The following JCAD variants were observed in gnomAD, a reference collection of about 807,000 sequenced individuals.
JCAD encodes the protein junctional cadherin 5 associated.
JCAD carries 40 observed loss-of-function variants against 98.0 expected under a neutral mutation model. The ratio of observed to expected loss-of-function variants is 0.41; its 90% CI spans 0.32 to 0.53. JCAD has a LOEUF of 0.53. Ranked by LOEUF, JCAD falls within the 20% of genes least tolerant of loss-of-function variation. The probability of loss-of-function intolerance (pLI) is 0.31; values close to 1 mark genes in which losing one functional copy is unlikely to be tolerated. For missense variants in JCAD, 1,705 were observed against 1,738.1 expected, an observed-to-expected ratio of 0.98 and a Z score of 0.34; for synonymous variants, 691 against 682.3, an observed-to-expected ratio of 1.01 and a Z score of -0.20.
At chr10:30,030,166 G>A (rs1162587100) in intron 2 of JCAD, among the ~76,000 whole-genome samples, 1 of 152,184 alleles carries the variant, frequency 6.6e-6, no homozygotes, top group Admixed American at 6.5e-5. Flanking sequence ...GTGGAAGGCC[G>A]GGCACCGTGG....
chr10:30,101,145 C>T (rs879861908), intron 1 of JCAD, among the ~76,000 whole-genome samples: 2 of 152,216 alleles, frequency 1.3e-5, no homozygotes, highest in Admixed American at 6.5e-5. Context: ...TGCGATGGCT[C>T]ATGCCTGTAA....
At chr10:30,099,442 T>C (rs910908639) in intron 1 of JCAD, among the ~76,000 whole-genome samples, 6 of 152,186 alleles carry the variant, frequency 3.9e-5, no homozygotes, top group Non-Finnish European at 8.8e-5. Context: ...ATAGACTTTA[T>C]TTAGTACCAA....
chr10:30,100,742 A>G lies in JCAD; in HGVS notation n.128+14625T>C, dbSNP rs544917131. On this transcript the variant is annotated intron_variant and non_coding_transcript_variant, in intron 1 of 2. Coordinates refer to the JCAD transcript ENST00000465712. Reference sequence around the variant, plus strand: ...CATAATGACTTGATTGGATTTAGAGAGGGTAATTAGGACTAATATGAGTGA... The same window carrying G: ...CATAATGACTTGATTGGATTTAGAGGGGGTAATTAGGACTAATATGAGTGA... Among the ~76,000 whole-genome samples the G allele has an allele frequency of 2.0e-5, 3 of 152,288 alleles. No homozygotes were observed. The South Asian group carries it at 6.2e-4, about 32-fold the overall frequency.
intron 1 of JCAD, among the ~76,000 whole-genome samples, chr10:30,055,955 C>G (rs1837563874): frequency 6.6e-6 from 1 of 151,188 alleles, no homozygotes; most frequent in African/African-American, 2.4e-5. Flanking sequence ...CTTACACACA[C>G]TCTTTCTCCT....
rs1231152049 is a variant in JCAD, at chr10:30,029,257, A to T, written c.891T>A (p.Ser297=). 6.2e-7 allele frequency: 1 copy of T among 1,614,176 alleles called. No individual in the cohort carries two copies. Among genetic ancestry groups the T allele is most frequent in the South Asian group, 1.1e-5 (1 of 91,074 alleles). ...CCCTAGACTGCTGGTGCGAGCTGTA[A>T]GATGGGGGCTTGAGGGGCCTCCCAA... The part of the protein sequence containing the change: ...PKFGRPLKPP[S]YSSHQQSRGG... The change falls in exon 3 of 4, where the codon TCT becomes TCA. Residue 297 remains serine, a synonymous_variant. Transcript: ENST00000375377.
Position 30,028,018 on chromosome 10 carries a change from C to A in JCAD, c.2130G>T (p.Leu710=). 1.2e-6 allele frequency: 2 copies of A among 1,614,252 alleles called. No homozygotes were observed. The highest frequency in any genetic ancestry group is 1.7e-6 in the Non-Finnish European group (2 of 1,180,054). Residue 710 remains leucine (L), a synonymous_variant, in exon 3 of 4, where the codon CTG becomes CTT. Coordinates refer to ENST00000375377, the MANE Select transcript of JCAD (RefSeq NM_020848.4). ...TCAATGCTGCACGACTCGGCCCTCC[C>A]AGCTTTGCACCAGGGAGCAGCTGCG... The part of the protein sequence containing the change: ...QSSQLLPGAK[L]GGPSRAALSP...
chr10:30,040,230 A>G lies in JCAD; in HGVS notation c.281+7302T>C, dbSNP rs554199530. Among the ~76,000 whole-genome samples the G allele has an allele frequency of 2.0e-5, 3 of 152,332 alleles. No homozygotes were observed. The South Asian group carries it at 6.2e-4, about 32-fold the overall frequency. ...TCACAAGACGCTGCTCCTCCTGGGG[A>G]TGGCTGGTCTCTGATGAAGAAGCTA... is the stretch of plus-strand genomic sequence containing the variant. On this transcript the variant is annotated intron_variant, in intron 2 of 3. Transcript: ENST00000375377.
At chr10:30,045,557 GA>G (rs1180588926) in intron 2 of JCAD, among the ~76,000 whole-genome samples, 8 of 152,052 alleles carry the variant, frequency 5.3e-5, no homozygotes, top group Non-Finnish European at 8.8e-5. Flanking sequence ...AAAACTAAAT[GA>G]AAAAACAAAA....
At chr10:30,109,175 GC>G (rs1838643599) in intron 1 of JCAD, among the ~76,000 whole-genome samples, 1 of 152,138 alleles carries the variant, frequency 6.6e-6, no homozygotes, top group African/African-American at 2.4e-5. Flanking sequence ...TCTCAACCAA[GC>G]AGGGAGACTA....
At chr10:30,105,792 A>G (rs996608432) in intron 1 of JCAD, among the ~76,000 whole-genome samples, 2 of 152,248 alleles carry the variant, frequency 1.3e-5, no homozygotes, top group Non-Finnish European at 2.9e-5. Flanking sequence ...GTTATTTTTT[A>G]TCATCTGCTA....
intron 1 of JCAD, among the ~76,000 whole-genome samples, chr10:30,114,676 C>A (rs1053611226): frequency 7.3e-5 from 11 of 150,344 alleles, no homozygotes; most frequent in African/African-American, 2.7e-4. Context: ...TTCAGGAGAC[C>A]ATAGTTACTG....
chr10:30,050,314 CAAAAAAAAAAAAAAAAAA>C (rs61421356), intron 1 of JCAD, among the ~76,000 whole-genome samples: 1 of 41,728 alleles, frequency 2.4e-5, no homozygotes, highest in African/African-American at 7.2e-5. Flanking sequence ...GACCCTGTCT[CAAAAAAAAAAAAAAAAAA>C]AAAAAAAAAA....
chr10:30,047,427 C>G lies in JCAD; in HGVS notation c.281+105G>C, dbSNP rs987411886. ...TTCTTGTGTCTAATACCATTTCTCC[C>G]TCCTTGGCCCTGGCCAAATATAGAT... On this transcript the variant is annotated intron_variant, in intron 2 of 3. Coordinates refer to ENST00000375377, the MANE Select transcript of JCAD (RefSeq NM_020848.4). 7 of 1,363,434 alleles carry G rather than the reference C, an allele frequency of 5.1e-6. No homozygotes were observed. The African/African-American group carries it at 1.0e-4, about 20-fold the overall frequency. 84.5% of individuals were successfully genotyped at this position (1,363,434 alleles called of 1,614,324 possible).
intron 1 of JCAD, among the ~76,000 whole-genome samples, chr10:30,076,471 C>CT (rs1416741344): frequency 6.6e-6 from 1 of 152,126 alleles, no homozygotes; most frequent in African/African-American, 2.4e-5. Context: ...TTTTCATTGT[C>CT]TTTTTTTCTC....
chr10:30,051,307 C>CACACACAA (rs942139423), intron 1 of JCAD, among the ~76,000 whole-genome samples: 9 of 151,448 alleles, frequency 5.9e-5, no homozygotes, highest in African/African-American at 1.7e-4. Flanking sequence ...CACACACACA[C>CACACACAA]AAGAGTTGAT....
At chr10:30,039,162 G>GC (rs1221896884) in intron 2 of JCAD, among the ~76,000 whole-genome samples, 5 of 152,162 alleles carry the variant, frequency 3.3e-5, no homozygotes, top group African/African-American at 1.2e-4. Flanking sequence ...AGATGCTGAC[G>GC]CCCCTCCCAT....
At chr10:30,024,947 G>A (rs1027364503) in intron 3 of JCAD, among the ~76,000 whole-genome samples, 3 of 151,878 alleles carry the variant, frequency 2.0e-5, no homozygotes, top group Non-Finnish European at 4.4e-5. Flanking sequence ...CACCCGCCTC[G>A]GCCTCCCAAA....
At chr10:30,034,371 A>G (rs1159198112) in intron 2 of JCAD, among the ~76,000 whole-genome samples, 1 of 152,196 alleles carries the variant, frequency 6.6e-6, no homozygotes, top group Admixed American at 6.5e-5. Context: ...CTGAGGTAAG[A>G]CATTTGCCAC....
chr10:30,113,362 C>A (rs1838738797), intron 1 of JCAD, among the ~76,000 whole-genome samples: 1 of 151,632 alleles, frequency 6.6e-6, no homozygotes, highest in South Asian at 2.1e-4. Context: ...ACCAGCCTGG[C>A]CAAAATGGTG....
Sources: gnomAD v4.1 joint callset for allele counts (sites outside exome capture counted in the v4.1 genomes callset) on GRCh38, gnomAD v4.1.1 for gene constraint, MANE v1.5 for transcripts, NCBI Gene and HGNC (gene_info 2026-07-23, HGNC 2026-07-21) for gene names.